TFEB: variants seen among roughly 807,000 people sequenced by gnomAD.
TFEB encodes T-cell transcription factor EB.
Under a neutral mutation model 48.0 loss-of-function variants are expected in TFEB, and 12 were observed. That is an observed-to-expected ratio of 0.25 (90% CI 0.16 to 0.40). TFEB has a LOEUF of 0.40. Among genes scored for constraint, TFEB ranks in the 10% least tolerant of loss-of-function variants. TFEB has a pLI of 1.00. For synonymous variants in TFEB, 244 were observed against 261.4 expected, an observed-to-expected ratio of 0.93 and a Z score of 0.64; for missense variants, 509 against 640.3, an observed-to-expected ratio of 0.79 and a Z score of 2.21.
Position 41,734,755 on chromosome 6 carries a change from G to T in TFEB, c.-23+595C>A. 1 of 479,936 alleles carries T rather than the reference G, an allele frequency of 2.1e-6. No homozygotes were observed. The highest frequency in any genetic ancestry group is 2.7e-6 in the Non-Finnish European group (1 of 367,396). The allele number at this position is 479,936 out of a possible 1,614,324, so 29.7% of individuals were successfully genotyped here. A position where few individuals can be genotyped will look rare whatever the true frequency, so the allele number is the denominator to read the frequency against. On this transcript the variant is annotated intron_variant, in intron 1 of 8. Transcript: ENST00000373033. This position sits in a 1 kb window ranked among gnomAD's most constrained non-coding sequence, Gnocchi z 4.0. ...AGGGGCGGCTTCTTCAAGAGACCGA[G>T]CTGGAGGAAGGGACGGGAAGGGAGG... is the stretch of plus-strand genomic sequence containing the variant.
chr6:41,685,034 G>T lies in TFEB; in HGVS notation c.996C>A (p.Ser332=). ...GCTCAGCCATGTTCATGCCGGACGG[G>T]GAGGTGGTAGGGAGGCCGTGCACTC... The part of the protein sequence containing the change: ...QARVHGLPTT[S]PSGMNMAELA... The change falls in exon 9 of 9, where the codon TCC becomes TCA. Residue 332 remains serine, a synonymous_variant. Transcript: ENST00000373033. The T allele has an allele frequency of 6.7e-7, 1 of 1,489,882 alleles. No homozygotes were observed. The highest frequency in any genetic ancestry group is 8.9e-7 in the Non-Finnish European group (1 of 1,120,408). The allele number at this position is 1,489,882 out of a possible 1,614,324, so 92.3% of individuals were successfully genotyped here.
rs144960361 is a variant in TFEB, at chr6:41,724,994, C to T, written c.-23+10356G>A. On this transcript the variant is annotated intron_variant, in intron 1 of 8. Transcript: ENST00000373033. The surrounding 1 kb of genome is among the most constrained non-coding windows in gnomAD (Gnocchi z 4.4). ...AGGCCCCTTTGCAGGGACGCCTCCC[C>T]CAAAATGCCTGCACATTCACCATCT... is the stretch of plus-strand genomic sequence containing the variant. Among the ~76,000 whole-genome samples the T allele has an allele frequency of 6.6e-6, 1 of 152,350 alleles. No homozygotes were observed. Among genetic ancestry groups the T allele is most frequent in the South Asian group, 2.1e-4 (1 of 4,828 alleles).
rs981388547 is a variant in TFEB, at chr6:41,730,938, G to C, written c.-23+4412C>G. On this transcript the variant is annotated intron_variant, in intron 1 of 8. Coordinates refer to ENST00000373033, the MANE Select transcript of TFEB (RefSeq NM_001271944.2). The surrounding 1 kb of genome is among the most constrained non-coding windows in gnomAD (Gnocchi z 4.1). ...ACAAGGAGAGGAGGCTGGTGTGGTG[G>C]GACAGAGAGTGGTGGGAAGCCCCAC... Among the ~76,000 whole-genome samples, 1 of 152,268 alleles carries C rather than the reference G, an allele frequency of 6.6e-6. No homozygotes were observed. Among genetic ancestry groups the C allele is most frequent in the Non-Finnish European group, 1.5e-5 (1 of 68,002 alleles).
At chr6:41,689,048 A>C (rs969266078) in intron 4 of TFEB, among the ~76,000 whole-genome samples, 1 of 152,152 alleles carries the variant, frequency 6.6e-6, no homozygotes, top group Non-Finnish European at 1.5e-5. Context: ...TCCCTCATCT[A>C]ATCTTCCCAC....
At chr6:41,700,329 G>A (rs942796114) in intron 1 of TFEB, among the ~76,000 whole-genome samples, 1 of 151,954 alleles carries the variant, frequency 6.6e-6, no homozygotes, top group Non-Finnish European at 1.5e-5. Flanking sequence ...AGCCGGGCAT[G>A]GTGGCGGGCG....
rs528045962 is a variant in TFEB at position 41,714,180 on chromosome 6, T to C, written c.-23+21170A>G. Among the ~76,000 whole-genome samples the C allele has an allele frequency of 1.4e-4, 22 of 151,832 alleles. No homozygotes were observed. In the South Asian group the frequency reaches 4.2e-3, roughly 29 times the overall value. ...GCATGCGTGTGCATGTGTGCGTGTGTGTGCATGTGCATGCATGTGCGTGCA... is the reference window on the plus strand; with the variant it reads ...GCATGCGTGTGCATGTGTGCGTGTGCGTGCATGTGCATGCATGTGCGTGCA... On this transcript the variant is annotated intron_variant, in intron 1 of 8. Coordinates refer to ENST00000373033, the MANE Select transcript of TFEB (RefSeq NM_001271944.2).
At chr6:41,703,272 G>A (rs2127457825) in intron 1 of TFEB, among the ~76,000 whole-genome samples, 1 of 152,326 alleles carries the variant, frequency 6.6e-6, no homozygotes, top group East Asian at 1.9e-4. Flanking sequence ...AGCAGCTTCT[G>A]GCTCCTGGTC....
Position 41,700,430 on chromosome 6 carries a change from C to T in TFEB, c.-22-9195G>A, listed in dbSNP as rs1006393448. 2.7e-5 allele frequency among the ~76,000 whole-genome samples: 4 copies of T among 146,724 alleles called. No individual in the cohort carries two copies. In the East Asian group the frequency reaches 8.0e-4, roughly 30 times the overall value. On this transcript the variant is annotated intron_variant, in intron 1 of 8. Transcript: ENST00000373033. ...GCAGTGAGCCGAGATCTCGCCACTG[C>T]ACTCCAGCCTGGGCGACAGAGCGAG...
rs536294199 is a variant in TFEB at position 41,724,018 on chromosome 6, C to G, written c.-23+11332G>C. On this transcript the variant is annotated intron_variant, in intron 1 of 8. Coordinates refer to ENST00000373033, the MANE Select transcript of TFEB (RefSeq NM_001271944.2). This position sits in a 1 kb window ranked among gnomAD's most constrained non-coding sequence, Gnocchi z 4.4. ...ATACACCTGCAGTCTTGGCCTTGGG[C>G]CTTCCCAGGGCCTCCAGACACCCAG... 4.3e-6 allele frequency: 2 copies of G among 460,348 alleles called. No homozygotes were observed. The highest frequency in any genetic ancestry group is 4.4e-6 in the Non-Finnish European group (1 of 229,630). 28.5% of individuals were successfully genotyped at this position (460,348 alleles called of 1,614,324 possible).
chr6:41,702,572 T>G (rs937219866), intron 1 of TFEB, among the ~76,000 whole-genome samples: 8 of 152,114 alleles, frequency 5.3e-5, no homozygotes, highest in African/African-American at 7.2e-5. Flanking sequence ...CCTGCTCATG[T>G]CCCCTGCAGG....
chr6:41,735,641 C>T, upstream of TFEB: 1 of 865,646 alleles, frequency 1.2e-6, no homozygotes, highest in Non-Finnish European at 1.4e-6. Flanking sequence ...CAGAGGGCAG[C>T]ACCCGCCCCG....
At position 41,691,308 on chromosome 6, in the gene TFEB, G is replaced by T; in HGVS notation, c.-22-73C>A. On this transcript the variant is annotated intron_variant, in intron 1 of 8. Coordinates refer to ENST00000373033, the MANE Select transcript of TFEB (RefSeq NM_001271944.2). This position sits in a 1 kb window ranked among gnomAD's most constrained non-coding sequence, Gnocchi z 5.2. ...AAAGCACAGGGGCTGGCAGGGGGAG[G>T]CCAGAATGACTGGGACCGCATCCAT... The T allele has an allele frequency of 1.4e-6, 2 of 1,446,428 alleles. No homozygotes were observed. The highest frequency in any genetic ancestry group is 1.9e-6 in the Non-Finnish European group (2 of 1,051,866). The allele number at this position is 1,446,428 out of a possible 1,614,324, so 89.6% of individuals were successfully genotyped here. A position where few individuals can be genotyped will look rare whatever the true frequency, so the allele number is the denominator to read the frequency against.
chr6:41,702,349 G>A (rs1452388452), intron 1 of TFEB, among the ~76,000 whole-genome samples: 2 of 152,210 alleles, frequency 1.3e-5, no homozygotes, highest in Non-Finnish European at 2.9e-5. Context: ...GGGCGGAAGG[G>A]GAGGCTATAT....
In TFEB at chr6:41,723,285, C is replaced by T. The variant is rs73733004; in HGVS notation, c.-23+12065G>A. ...CCCCCACCCCTCCCCAAAGACATCC[C>T]AATGCCAGTGCAGCCTGAGGGGCCT... On this transcript the variant is annotated intron_variant, in intron 1 of 8. Transcript: ENST00000373033. The surrounding 1 kb of genome is among the most constrained non-coding windows in gnomAD (Gnocchi z 6.0). Among the ~76,000 whole-genome samples the T allele has an allele frequency of 0.043, 6,501 of 151,816 alleles. 461 individuals are homozygous for T. Among genetic ancestry groups the T allele is most frequent in the African/African-American group, 0.15 (6,058 of 41,256 alleles).
intron 1 of TFEB, among the ~76,000 whole-genome samples, chr6:41,703,645 AAG>A (rs1189602249): frequency 2.6e-5 from 4 of 152,246 alleles, no homozygotes; most frequent in African/African-American, 9.6e-5. Flanking sequence ...GGAATGGAGG[AAG>A]AAAGGACAAA....
chr6:41,727,596 G>T (rs2127273777), intron 1 of TFEB, among the ~76,000 whole-genome samples: 1 of 152,378 alleles, frequency 6.6e-6, no homozygotes, highest in East Asian at 1.9e-4. Flanking sequence ...GGAAGCTAAG[G>T]TAAGAGGATT....
rs201604256 is a variant in TFEB, at chr6:41,684,755, G to T, written c.1275C>A (p.Phe425Leu). 396 of 1,613,124 alleles carry T rather than the reference G, an allele frequency of 2.5e-4. 1 individual carries two copies. The Middle Eastern group carries it at 2.5e-3, about 10-fold the overall frequency. The change falls in exon 9 of 9, where the codon TTC becomes TTA. Residue 425 changes from phenylalanine (F) to leucine (L), a missense_variant. Physicochemically the swap from Phe to Leu is conservative, Grantham distance 22. Around this residue, in one of 4 missense-constraint regions of TFEB, gnomAD observed 168 missense variants for 161.0 expected, o/e 1.04. Coordinates refer to ENST00000373033, the MANE Select transcript of TFEB (RefSeq NM_001271944.2). ...EPLAPGHGSP[F>L]PSLSKKDLDL... is the part of the protein sequence containing the mutation. ...CCAGATCCTTCTTGGACAGGCTGGG[G>T]AATGGGGAGCCATGCCCCGGCGCCA...
intron 1 of TFEB, among the ~76,000 whole-genome samples, chr6:41,709,178 C>T (rs938392579): frequency 6.6e-6 from 1 of 152,210 alleles, no homozygotes; most frequent in African/African-American, 2.4e-5. Flanking sequence ...ATGTTCCGCA[C>T]TTAGAACTAG....
At position 41,684,670 on chromosome 6, in the gene TFEB, T is replaced by C. The variant is rs781543713; in HGVS notation, c.1360A>G (p.Met454Val). 6.2e-7 allele frequency: 1 copy of C among 1,612,624 alleles called. No individual in the cohort carries two copies. Among genetic ancestry groups the C allele is most frequent in the Non-Finnish European group, 8.5e-7 (1 of 1,179,464 alleles). Residue 454 changes from methionine to valine, a missense_variant, in exon 9 of 9, where the codon ATG (methionine) becomes GTG (valine). Around this residue, in one of 4 missense-constraint regions of TFEB, gnomAD observed 168 missense variants for 161.0 expected, o/e 1.04. Transcript: ENST00000373033. ...CTGGCCTTGGAGGCCTCGGGGGACA[T>C]GGTGGACAGAAGTGGATCAGAGGCC... Reference protein sequence around the residue: ...PLASDPLLSTMSPEASKASSR... With the variant: ...PLASDPLLSTVSPEASKASSR...
Sources: allele counts gnomAD v4.1 joint callset (sites outside exome capture counted in the v4.1 genomes callset), GRCh38; gene constraint gnomAD v4.1.1; regional missense constraint gnomAD v4.1.1; non-coding constraint Gnocchi (gnomAD v3.1); transcripts MANE v1.5; gene names NCBI Gene and HGNC (gene_info 2026-07-23, HGNC 2026-07-21).